KLF12: variants seen among roughly 807,000 people sequenced by gnomAD.
KLF12 encodes the protein KLF transcription factor 12.
A neutral mutation model predicts 37.8 loss-of-function variants in KLF12; 9 were observed. That is an observed-to-expected ratio of 0.24 (90% CI 0.14 to 0.42). The LOEUF is 0.42. KLF12 is among the 10% of genes least tolerant of loss of function. KLF12 has a pLI of 1.00. For synonymous variants in KLF12, 208 were observed against 202.1 expected, an observed-to-expected ratio of 1.03 and a Z score of -0.25; for missense variants, 411 against 516.0, an observed-to-expected ratio of 0.80 and a Z score of 1.97.
intron 1 of KLF12, among the ~76,000 whole-genome samples, chr13:74,116,245 A>G (rs766315219): frequency 2.0e-5 from 3 of 152,328 alleles, no homozygotes; most frequent in East Asian, 1.9e-4. Flanking sequence ...ACAATGCCCA[A>G]TGACAGATCA....
intron 1 of KLF12, among the ~76,000 whole-genome samples, chr13:74,054,509 G>A (rs1873129177): frequency 6.6e-6 from 1 of 152,066 alleles, no homozygotes; most frequent in Non-Finnish European, 1.5e-5. Context: ...GTGAATACTT[G>A]GTTTTAGAAA....
At position 73,917,305 on chromosome 13, in the gene KLF12, C is replaced by T. The variant is rs1054775719; in HGVS notation, c.123+26676G>A. On this transcript the variant is annotated intron_variant, in intron 3 of 7. Coordinates refer to ENST00000377669, the MANE Select transcript of KLF12 (RefSeq NM_007249.5). ...AATCTCAACACCTTTCCTGGTACTA[C>T]CCCCTCTGCCTAGAGTGATTCCTCT... Among the ~76,000 whole-genome samples the T allele has an allele frequency of 3.9e-5, 6 of 151,952 alleles. No individual in the cohort carries two copies. The East Asian group carries it at 7.7e-4, about 20-fold the overall frequency.
chr13:73,973,852 G>A (rs1355857409), intron 2 of KLF12, among the ~76,000 whole-genome samples: 2 of 152,038 alleles, frequency 1.3e-5, no homozygotes, highest in African/African-American at 2.4e-5. Context: ...TCCAAAAAGT[G>A]ATTATCAACG....
At chr13:73,837,050 T>G (rs1201925972) in intron 4 of KLF12, among the ~76,000 whole-genome samples, 1 of 152,240 alleles carries the variant, frequency 6.6e-6, no homozygotes, top group Non-Finnish European at 1.5e-5. Flanking sequence ...TGGATTTGAC[T>G]GTCCTGTTTA....
At chr13:73,981,768 G>A (rs977111198) in intron 2 of KLF12, among the ~76,000 whole-genome samples, 1 of 152,202 alleles carries the variant, frequency 6.6e-6, no homozygotes, top group Admixed American at 6.5e-5. Context: ...TGTCCCTTCT[G>A]CCAAGAGAAA....
chr13:73,846,356 G>A lies in KLF12; in HGVS notation c.141C>T (p.Asn47=). 1 of 1,612,540 alleles carries A rather than the reference G, an allele frequency of 6.2e-7. No homozygotes were observed. Among genetic ancestry groups the A allele is most frequent in the Non-Finnish European group, 8.5e-7 (1 of 1,179,538 alleles). ...GGGGAACGGCTTCCATATCGGGATA[G>A]TTGTGGACGTTTGGAGACTGTGGGG... The change falls in exon 4 of 8, where the codon AAC becomes AAT. Residue 47 remains asparagine, a synonymous_variant. Transcript: ENST00000377669.
rs1057208137 is a variant in KLF12 at position 73,721,549 on chromosome 13, C to G, written c.870-6024G>C. Among the ~76,000 whole-genome samples, 4 of 152,060 alleles carry G rather than the reference C, an allele frequency of 2.6e-5. No homozygotes were observed. The East Asian group carries it at 7.7e-4, about 29-fold the overall frequency. Reference sequence around the variant, plus strand: ...CCAAAGAAAGTATTTTCTTTTCTCTCCTTTCATCTTGTTTTTAAAAAGAGA... The same window carrying G: ...CCAAAGAAAGTATTTTCTTTTCTCTGCTTTCATCTTGTTTTTAAAAAGAGA... On this transcript the variant is annotated intron_variant, in intron 6 of 7. Transcript: ENST00000377669.
At chr13:73,822,941 G>T (rs1883610438) in intron 4 of KLF12, among the ~76,000 whole-genome samples, 1 of 152,118 alleles carries the variant, frequency 6.6e-6, no homozygotes, top group African/African-American at 2.4e-5. Context: ...AAGCCAATCA[G>T]CTCAAACCGA....
At chr13:74,272,616 G>T in the KLF12 span, among the ~76,000 whole-genome samples, 2 of 152,162 alleles carry the variant, frequency 1.3e-5, no homozygotes, top group Non-Finnish European at 2.9e-5. Flanking sequence ...TAGGCCGAAT[G>T]CTATGGAACA....
chr13:73,861,941 TA>T (rs1566423932), intron 3 of KLF12, among the ~76,000 whole-genome samples: 1 of 152,156 alleles, frequency 6.6e-6, no homozygotes, highest in Non-Finnish European at 1.5e-5. Context: ...TTATTACCTA[TA>T]TATACAAATG....
intron 2 of KLF12, among the ~76,000 whole-genome samples, chr13:73,956,762 A>T (rs936929973): frequency 2.1e-4 from 32 of 150,096 alleles, no homozygotes; most frequent in Non-Finnish European, 4.4e-5. Context: ...CTCTACAAAA[A>T]ATAACAATAA....
chr13:73,958,248 T>TC (rs1262933364), intron 2 of KLF12, among the ~76,000 whole-genome samples: 1 of 152,132 alleles, frequency 6.6e-6, no homozygotes, highest in East Asian at 1.9e-4. Context: ...TTTTTAACTT[T>TC]TTTTTTTTCT....
At chr13:74,071,968 C>G (rs187381579) in intron 1 of KLF12, among the ~76,000 whole-genome samples, 2 of 152,110 alleles carry the variant, frequency 1.3e-5, no homozygotes, top group East Asian at 3.9e-4. Context: ...ATTTTCCTCC[C>G]CAACCCCCCC....
At chr13:73,981,740 T>C (rs1325706045) in intron 2 of KLF12, among the ~76,000 whole-genome samples, 1 of 152,126 alleles carries the variant, frequency 6.6e-6, no homozygotes, top group African/African-American at 2.4e-5. Flanking sequence ...TTTTAGGAGG[T>C]GATTTACGAA....
intron 1 of KLF12, among the ~76,000 whole-genome samples, chr13:74,072,364 A>AATATATATATATATATAT (rs773653636): frequency 6.2e-4 from 39 of 63,048 alleles, no homozygotes; most frequent in East Asian, 1.1e-3. Flanking sequence ...AAGAAATACA[A>AATATATATATATATATAT]ATATATATAT....
intron 6 of KLF12, among the ~76,000 whole-genome samples, chr13:73,744,221 AT>A (rs1293187455): frequency 2.0e-5 from 3 of 152,212 alleles, no homozygotes; most frequent in African/African-American, 7.2e-5. Flanking sequence ...TCACTGCTAA[AT>A]TTGGAATGTG....
chr13:74,039,843 C>G (rs1215377570), intron 1 of KLF12, among the ~76,000 whole-genome samples: 2 of 152,212 alleles, frequency 1.3e-5, no homozygotes, highest in East Asian at 3.8e-4. Flanking sequence ...AAACTGTTGT[C>G]TGACACATAA....
At chr13:73,756,813 T>A (rs1330493601) in intron 6 of KLF12, among the ~76,000 whole-genome samples, 1 of 152,042 alleles carries the variant, frequency 6.6e-6, no homozygotes, top group Non-Finnish European at 1.5e-5. Flanking sequence ...ATTGAGGAGG[T>A]GACACAGAGG....
At chr13:74,010,366 C>T (rs1211461470) in intron 1 of KLF12, among the ~76,000 whole-genome samples, 8 of 152,330 alleles carry the variant, frequency 5.3e-5, no homozygotes, top group South Asian at 2.1e-4. Flanking sequence ...GGTAAGACCA[C>T]GAACAATAAT....
Sources: allele counts gnomAD v4.1 joint callset (sites outside exome capture counted in the v4.1 genomes callset), GRCh38; gene constraint gnomAD v4.1.1; transcripts MANE v1.5; gene names NCBI Gene and HGNC (gene_info 2026-07-23, HGNC 2026-07-21).